Variants in PDE10A observed in about 807,000 individuals in gnomAD.
PDE10A encodes cAMP and cAMP-inhibited cGMP 3',5'-cyclic phosphodiesterase 10A.
In PDE10A, 39 loss-of-function variants were observed where a neutral mutation model predicts 97.7. The ratio of observed to expected loss-of-function variants is 0.40; its 90% CI spans 0.31 to 0.52. The LOEUF (loss-of-function observed/expected upper bound fraction) is 0.52, where lower values mean the gene tolerates loss of function less well. Among genes scored for constraint, PDE10A ranks in the 20% least tolerant of loss-of-function variants. The pLI, the probability that PDE10A is intolerant of heterozygous loss-of-function variation, is 0.56. For missense variants in PDE10A, 731 were observed against 1,047.8 expected (o/e 0.70, Z 4.17); for synonymous variants, 371 against 376.8 (o/e 0.98, Z 0.18).
At chr6:165,896,832 G>T (rs1166296859) in intron 1 of PDE10A, among the ~76,000 whole-genome samples, 2 of 151,648 alleles carry the variant, frequency 1.3e-5, no homozygotes, top group Non-Finnish European at 2.9e-5. Context: ...CCAACACATG[G>T]CTAATTTTTG....
chr6:165,387,047 T>C (rs551562054), intron 17 of PDE10A, among the ~76,000 whole-genome samples: 1 of 152,198 alleles, frequency 6.6e-6, no homozygotes, highest in South Asian at 2.1e-4. Flanking sequence ...GCTTGTTTTA[T>C]GCCGGTATGT....
At chr6:165,907,362 A>G (rs896301861) in intron 1 of PDE10A, among the ~76,000 whole-genome samples, 1 of 152,142 alleles carries the variant, frequency 6.6e-6, no homozygotes, top group Non-Finnish European at 1.5e-5. Context: ...CTGAGGTGTG[A>G]GGGGTGGGCG....
At chr6:165,680,101 C>T (rs929109523) in intron 1 of PDE10A, among the ~76,000 whole-genome samples, 1 of 151,984 alleles carries the variant, frequency 6.6e-6, no homozygotes, top group African/African-American at 2.4e-5. Context: ...TTTTTAGGTA[C>T]ACCATTGCAA....
chr6:165,816,273 C>T (rs761005633), intron 1 of PDE10A, among the ~76,000 whole-genome samples: 5 of 152,168 alleles, frequency 3.3e-5, no homozygotes, highest in Non-Finnish European at 7.3e-5. Flanking sequence ...CTAAAGCTGC[C>T]CATTCCCAGA....
chr6:165,921,078 T>C (rs1226012026), intron 1 of PDE10A, among the ~76,000 whole-genome samples: 1 of 152,216 alleles, frequency 6.6e-6, no homozygotes, highest in Non-Finnish European at 1.5e-5. Flanking sequence ...ATGGAAGGGC[T>C]GAATGACCCG....
In PDE10A at chr6:165,327,709, C is replaced by T. The variant is rs1387713467; in HGVS notation, c.*5316G>A. 6.6e-6 allele frequency: 1 copy of T among 152,170 alleles called. No homozygotes were observed. Among genetic ancestry groups the T allele is most frequent in the South Asian group, 2.1e-4 (1 of 4,830 alleles). 9.4% of individuals were successfully genotyped at this position (152,170 alleles called of 1,614,324 possible). A position where few individuals can be genotyped will look rare whatever the true frequency, so the allele number is the denominator to read the frequency against. ...GCATTTTACAAAGATTTTTGTCATA[C>T]ATATAAAATCATTTTTTAAAATTTA... On this transcript the variant is annotated 3_prime_UTR_variant, in exon 22 of 22. Transcript: ENST00000539869.
At chr6:165,591,154 T>C (rs1786241151) in intron 1 of PDE10A, among the ~76,000 whole-genome samples, 1 of 152,144 alleles carries the variant, frequency 6.6e-6, no homozygotes, top group African/African-American at 2.4e-5. Context: ...AATCAAAAGA[T>C]CATGTGTAAT....
intron 1 of PDE10A, among the ~76,000 whole-genome samples, chr6:165,638,614 G>T (rs1024729017): frequency 6.6e-6 from 1 of 151,952 alleles, no homozygotes; most frequent in Non-Finnish European, 1.5e-5. Flanking sequence ...TAAATGCAAA[G>T]AAAATAAAAT....
intron 3 of PDE10A, among the ~76,000 whole-genome samples, chr6:165,462,078 GATGGGT>G (rs958182560): frequency 6.6e-6 from 1 of 152,116 alleles, no homozygotes; most frequent in African/African-American, 2.4e-5. Context: ...GTTTTGCAGT[GATGGGT>G]ATTCCAGCTT....
chr6:165,898,273 C>G (rs993353466), intron 1 of PDE10A, among the ~76,000 whole-genome samples: 5 of 152,132 alleles, frequency 3.3e-5, no homozygotes, highest in African/African-American at 4.8e-5. Context: ...TCTAGGACAC[C>G]AGAGCTCTGC....
rs543142911 is a variant in PDE10A at position 165,540,850 on chromosome 6, G to A, written c.994+2590C>T. Among the ~76,000 whole-genome samples, 18 of 152,210 alleles carry A rather than the reference G, an allele frequency of 1.2e-4. No homozygotes were observed. The South Asian group carries it at 1.5e-3, about 12-fold the overall frequency. ...TCACCAGGTTAGCCAGGCTGGTCTC[G>A]AACTCTTGACCTCAAGGGATCTTCC... On this transcript the variant is annotated intron_variant, in intron 2 of 21. Transcript: ENST00000539869.
In PDE10A at chr6:165,945,538, A is replaced by G. The variant is rs545131569; in HGVS notation, c.-615+41991T>C. 9.2e-5 allele frequency among the ~76,000 whole-genome samples: 14 copies of G among 152,310 alleles called. No homozygotes were observed. The East Asian group carries it at 2.3e-3, about 25-fold the overall frequency. On this transcript the variant is annotated intron_variant, in intron 1 of 19. Coordinates refer to the PDE10A transcript ENST00000366882. ...CCTTTTGGGGGGTGATTAGGTCATG[A>G]GGGTGTAGCCTTCATGAATGGGATT...
intron 1 of PDE10A, among the ~76,000 whole-genome samples, chr6:165,877,916 A>G: frequency 6.6e-6 from 1 of 152,188 alleles, no homozygotes; most frequent in Admixed American, 6.5e-5. Flanking sequence ...AGACTAAGTA[A>G]TTTTCCTAAA....
intron 1 of PDE10A, among the ~76,000 whole-genome samples, chr6:165,836,622 C>T (rs1485946654): frequency 2.0e-5 from 3 of 152,204 alleles, no homozygotes; most frequent in Admixed American, 1.3e-4. Flanking sequence ...GGGCAGTGAC[C>T]TCTGCGGTCA....
At chr6:165,510,199 G>GTAA (rs1442070307) in intron 2 of PDE10A, among the ~76,000 whole-genome samples, 2 of 151,998 alleles carry the variant, frequency 1.3e-5, no homozygotes, top group Non-Finnish European at 2.9e-5. Context: ...TCAGTATGAT[G>GTAA]TTAGCTGTGG....
At chr6:165,774,689 A>G (rs1778117441) in intron 1 of PDE10A, among the ~76,000 whole-genome samples, 1 of 149,588 alleles carries the variant, frequency 6.7e-6, no homozygotes, top group Non-Finnish European at 1.5e-5. Flanking sequence ...GAGAGGGAGG[A>G]AGGGCTGGGA....
At chr6:165,775,118 G>T (rs1384275905) in intron 1 of PDE10A, 1 of 152,088 alleles carries the variant, frequency 6.6e-6, no homozygotes, top group Non-Finnish European at 1.5e-5. Flanking sequence ...CCGTCCAAGT[G>T]CAATATGAGT....
intron 1 of PDE10A, among the ~76,000 whole-genome samples, chr6:165,759,790 G>A (rs1488109307): frequency 1.3e-5 from 2 of 152,146 alleles, no homozygotes; most frequent in African/African-American, 4.8e-5. Context: ...TAGTTTACAG[G>A]GAGGCCCAGG....
intron 1 of PDE10A, among the ~76,000 whole-genome samples, chr6:165,679,944 TTGAG>T (rs1472594576): frequency 6.6e-6 from 1 of 151,978 alleles, no homozygotes; most frequent in African/African-American, 2.4e-5. Flanking sequence ...GTGGACATTG[TTGAG>T]TATTTGGGGT....
Sources: allele counts gnomAD v4.1 joint callset (sites outside exome capture counted in the v4.1 genomes callset), GRCh38; gene constraint gnomAD v4.1.1; transcripts MANE v1.5; gene names NCBI Gene and HGNC (gene_info 2026-07-23, HGNC 2026-07-21).